NECAB2: variants seen among roughly 807,000 people sequenced by gnomAD.
NECAB2 encodes N-terminal EF-hand calcium binding protein 2.
Under a neutral mutation model 51.9 loss-of-function variants are expected in NECAB2, and 68 were observed. The ratio of observed to expected loss-of-function variants is 1.31; its 90% CI spans 1.08 to 1.60. The LOEUF (loss-of-function observed/expected upper bound fraction) is 1.60. NECAB2 is among the 40% of genes most tolerant of loss of function. The pLI, the probability that NECAB2 is intolerant of heterozygous loss-of-function variation, is 0.00. For synonymous variants in NECAB2, 329 were observed against 203.5 expected (o/e 1.62, Z -5.25); for missense variants, 854 against 490.3 (o/e 1.74, Z -7.00).
intron 12 of NECAB2, 126 bp from the exon 13 acceptor site, chr16:84,002,192 C>CA (rs2084850145): frequency 1.6e-6 from 2 of 1,262,122 alleles, no homozygotes; most frequent in Admixed American, 3.4e-5. Flanking sequence ...GGGTGACCAG[C>CA]AAGGACCTGT....
intron 11 of NECAB2, 128 bp downstream of exon 11, chr16:84,000,929 A>G: frequency 3.4e-6 from 3 of 873,256 alleles, no homozygotes; most frequent in Non-Finnish European, 5.4e-6. Flanking sequence ...CGAGGCATCT[A>G]CCCGCTGGCA....
chr16:83,990,381 C>T, intron 5 of NECAB2, 113 bp from the exon 6 acceptor site: 3 of 1,419,968 alleles, frequency 2.1e-6, no homozygotes, highest in Non-Finnish European at 2.9e-6. Flanking sequence ...CCTCCCTTCC[C>T]TTTGCAAAGC....
In NECAB2 at chr16:83,986,303, C is replaced by T. The variant is rs552910509; in HGVS notation, c.460-4191C>T. Among the ~76,000 whole-genome samples the T allele has an allele frequency of 6.4e-4, 97 of 152,328 alleles. No individual in the cohort carries two copies. In the South Asian group the frequency reaches 0.019, roughly 30 times the overall value. The stretch of plus-strand genomic sequence containing the variant: ...AAGTGCTGGGAGTACAGGCATGAGC[C>T]ACTGCGCCCAGCCCAAAGATTTTCT... On this transcript the variant is annotated intron_variant, in intron 5 of 12. Transcript: ENST00000305202.
chr16:83,981,974 A>G (rs2084494654), intron 5 of NECAB2, among the ~76,000 whole-genome samples: 1 of 152,168 alleles, frequency 6.6e-6, no homozygotes, highest in East Asian at 1.9e-4. Context: ...TGGCTGAGGG[A>G]TCTGAGCTGG....
intron 2 of NECAB2, among the ~76,000 whole-genome samples, chr16:83,973,564 A>G (rs754875323): frequency 5.3e-5 from 8 of 152,130 alleles, no homozygotes; most frequent in Non-Finnish European, 1.0e-4. Flanking sequence ...CCGTAGCATC[A>G]TGGCCTGAAA....
intron 1 of NECAB2, among the ~76,000 whole-genome samples, chr16:83,969,343 A>G (rs2084323875): frequency 6.6e-6 from 1 of 151,888 alleles, no homozygotes; most frequent in South Asian, 2.1e-4. Context: ...TCACGCTCAA[A>G]GACCCTTTGC....
Position 83,972,149 on chromosome 16 carries a change from A to C in NECAB2, c.202-2A>C, listed in dbSNP as rs1454677125. On this transcript the variant is annotated splice_acceptor_variant, in intron 1 of 12. Coordinates refer to ENST00000305202, the MANE Select transcript of NECAB2 (RefSeq NM_019065.3). LOFTEE classifies it high-confidence loss of function. ...GGCTGACTCCGCCTCTCTTTTCTGCAGATTTTCCGCCGTGCGGACAAAAAT... is the reference window on the plus strand; with the variant it reads ...GGCTGACTCCGCCTCTCTTTTCTGCCGATTTTCCGCCGTGCGGACAAAAAT... The C allele has an allele frequency of 3.6e-5, 58 of 1,613,308 alleles. No individual in the cohort carries two copies. Among genetic ancestry groups the C allele is most frequent in the Non-Finnish European group, 4.7e-5 (56 of 1,180,030 alleles).
At chr16:83,978,217 T>G (rs1375238810) in intron 2 of NECAB2, among the ~76,000 whole-genome samples, 1 of 152,236 alleles carries the variant, frequency 6.6e-6, no homozygotes, top group Non-Finnish European at 1.5e-5. Context: ...TGATTCTCTG[T>G]GTACTGGAGT....
intron 5 of NECAB2, among the ~76,000 whole-genome samples, chr16:83,984,637 G>T (rs941585059): frequency 3.1e-4 from 47 of 152,120 alleles, no homozygotes; most frequent in Admixed American, 5.2e-4. Flanking sequence ...AGGCTGAGGT[G>T]AGAGGATCTC....
At chr16:83,994,443 G>A in intron 7 of NECAB2, 23 bp downstream of exon 7, 1 of 1,612,378 alleles carries the variant, frequency 6.2e-7, no homozygotes, top group East Asian at 2.2e-5. Context: ...GGGGGCCCTG[G>A]TGGGGGTACC....
In NECAB2 at chr16:83,998,266, ACT is replaced by A. The variant is rs756356949; in HGVS notation, c.916_917del (p.Leu306AlafsTer31). On this transcript the variant is annotated frameshift_variant, in exon 10 of 13. Transcript: ENST00000305202. LOFTEE classifies it high-confidence loss of function. ...CCCGAGCAACTGAGCGAGTTTCTGGACTCTCTGCGCCAGTATCTGCGGGGGAC... is the reference window on the plus strand; with the variant it reads ...CCCGAGCAACTGAGCGAGTTTCTGGACTCTGCGCCAGTATCTGCGGGGGAC... 201 of 1,612,988 alleles carry A rather than the reference ACT, an allele frequency of 1.2e-4. No homozygotes were observed. Among genetic ancestry groups the A allele is most frequent in the Non-Finnish European group, 1.7e-4 (195 of 1,179,960 alleles).
chr16:83,997,479 C>CTTTTT (rs11296947), intron 9 of NECAB2, among the ~76,000 whole-genome samples: 10 of 53,228 alleles, frequency 1.9e-4, no homozygotes, highest in Non-Finnish European at 2.9e-4. Context: ...CTCCCTGGAC[C>CTTTTT]TTTTTTTTTT....
At chr16:83,965,385 C>A, upstream of NECAB2, 1 of 1,574,328 alleles carries the variant, frequency 6.4e-7, no homozygotes, top group African/African-American at 1.3e-5. Context: ...GAGCTGTCTG[C>A]CCTGGAGGCC....
chr16:83,965,195 C>A (rs780958721), upstream of NECAB2: 4 of 1,613,254 alleles, frequency 2.5e-6, no homozygotes, highest in Non-Finnish European at 3.4e-6. Context: ...GACCCCCGAT[C>A]CCAGCAGCTG....
chr16:83,975,890 G>C (rs2084402905), intron 2 of NECAB2, among the ~76,000 whole-genome samples: 2 of 152,318 alleles, frequency 1.3e-5, no homozygotes, highest in South Asian at 4.1e-4. Flanking sequence ...AATTGGACTG[G>C]GGGCCTACGT....
chr16:83,969,386 CT>C (rs528635128), intron 1 of NECAB2, among the ~76,000 whole-genome samples: 291 of 152,250 alleles, frequency 1.9e-3, no homozygotes, highest in Middle Eastern at 0.01. Flanking sequence ...GTGAAGCCCC[CT>C]CCCCACCTTC....
chr16:83,982,125 C>T (rs531285643), intron 5 of NECAB2, among the ~76,000 whole-genome samples: 10 of 152,312 alleles, frequency 6.6e-5, no homozygotes, highest in East Asian at 1.9e-4. Flanking sequence ...AGCAAAGGCA[C>T]CTGCTGGTTT....
At chr16:83,993,253 A>C (rs1015525017) in intron 6 of NECAB2, 1 of 152,226 alleles carries the variant, frequency 6.6e-6, no homozygotes, top group Admixed American at 6.5e-5. Context: ...GCAACCCGTC[A>C]TGGTCTGAGG....
rs554833039 is a variant in NECAB2 at position 83,969,179 on chromosome 16, C to T, written c.201+330C>T. ...AGTTTTGTCCAAGCCAAACCCCCAC[C>T]CTTTACCCCGCGGGACCGGAGCCCC... On this transcript the variant is annotated intron_variant, in intron 1 of 12. Transcript: ENST00000305202. Among the ~76,000 whole-genome samples the T allele has an allele frequency of 2.2e-4, 33 of 151,750 alleles. No homozygotes were observed. In the East Asian group the frequency reaches 5.5e-3, roughly 25 times the overall value.
Sources: allele counts gnomAD v4.1 joint callset (sites outside exome capture counted in the v4.1 genomes callset), GRCh38; gene constraint gnomAD v4.1.1; transcripts MANE v1.5; gene names NCBI Gene and HGNC (gene_info 2026-07-23, HGNC 2026-07-21).